The following KIRREL3 variants were observed in gnomAD, a reference collection of about 807,000 sequenced individuals.
KIRREL3 encodes kirre like nephrin family adhesion molecule 3.
A neutral mutation model predicts 89.7 loss-of-function variants in KIRREL3; 36 were observed. The observed-to-expected ratio is 0.40, with a 90% CI of 0.31 to 0.53. KIRREL3 has a LOEUF of 0.53. Among genes scored for constraint, KIRREL3 ranks in the 20% least tolerant of loss-of-function variants. The pLI, the probability that KIRREL3 is intolerant of heterozygous loss-of-function variation, is 0.49. For missense variants in KIRREL3, 864 were observed against 1,056.6 expected, an observed-to-expected ratio of 0.82 and a Z score of 2.53; for synonymous variants, 445 against 441.4, an observed-to-expected ratio of 1.01 and a Z score of -0.10.
At chr11:126,448,302 GAAAT>G (rs1955901935) in intron 8 of KIRREL3, among the ~76,000 whole-genome samples, 1 of 131,294 alleles carries the variant, frequency 7.6e-6, no homozygotes, top group Non-Finnish European at 1.6e-5. Context: ...AAAAAAAAAA[GAAAT>G]AAAAAGAAAA....
At position 126,987,869 on chromosome 11, in the gene KIRREL3, T is replaced by A. The variant is rs1949913789; in HGVS notation, c.55+12586A>T. 6.6e-6 allele frequency among the ~76,000 whole-genome samples: 1 copy of A among 152,226 alleles called. No individual in the cohort carries two copies. The highest frequency in any genetic ancestry group is 2.4e-5 in the African/African-American group (1 of 41,454). Reference sequence around the variant, plus strand: ...ATTTTAAGCATGGCCTGGGTAGACATGTGCCATCTTCTAAAATGATTTCTG... The same window carrying A: ...ATTTTAAGCATGGCCTGGGTAGACAAGTGCCATCTTCTAAAATGATTTCTG... On this transcript the variant is annotated intron_variant, in intron 1 of 16. Coordinates refer to ENST00000525144, the MANE Select transcript of KIRREL3 (RefSeq NM_032531.4). This position sits in a 1 kb window ranked among gnomAD's most constrained non-coding sequence, Gnocchi z 4.6.
chr11:126,726,113 C>T (rs561854998), intron 1 of KIRREL3, among the ~76,000 whole-genome samples: 134 of 152,256 alleles, frequency 8.8e-4, no homozygotes, highest in African/African-American at 2.8e-3. Flanking sequence ...CCCTGTGTCC[C>T]GAAGTGGGTC....
intron 1 of KIRREL3, among the ~76,000 whole-genome samples, chr11:126,711,212 C>T (rs1309636459): frequency 6.6e-6 from 1 of 152,206 alleles, no homozygotes; most frequent in African/African-American, 2.4e-5. Context: ...GGAGTTACTG[C>T]AACATGACAA....
Position 126,745,500 on chromosome 11 carries a change from A to C in KIRREL3, c.56-182588T>G, listed in dbSNP as rs867175055. Among the ~76,000 whole-genome samples, 274 of 152,256 alleles carry C rather than the reference A, an allele frequency of 1.8e-3. 2 individuals carry two copies. Among genetic ancestry groups the C allele is most frequent in the African/African-American group, 6.1e-3 (254 of 41,558 alleles). On this transcript the variant is annotated intron_variant, in intron 1 of 16. Coordinates refer to ENST00000525144, the MANE Select transcript of KIRREL3 (RefSeq NM_032531.4). ...CAAACAAACAAACAGAAAAACAAAA[A>C]AAAAAAACAAAACCCAAACAAAACC...
intron 1 of KIRREL3, among the ~76,000 whole-genome samples, chr11:126,915,501 G>T (rs751760241): frequency 1.3e-5 from 2 of 152,116 alleles, no homozygotes; most frequent in South Asian, 4.1e-4. Flanking sequence ...CAGGAGAGAC[G>T]TGGTCAACTG....
At chr11:126,832,124 A>G (rs1012505504) in intron 1 of KIRREL3, among the ~76,000 whole-genome samples, 1 of 152,186 alleles carries the variant, frequency 6.6e-6, no homozygotes, top group African/African-American at 2.4e-5. Flanking sequence ...CATGTCCCAG[A>G]TTCCACAACA....
intron 1 of KIRREL3, chr11:126,937,261 T>C (rs1173428530): frequency 6.6e-6 from 1 of 152,214 alleles, no homozygotes; most frequent in Non-Finnish European, 1.5e-5. Flanking sequence ...TTTATCTCAG[T>C]GTGGGTTAAA....
intron 1 of KIRREL3, among the ~76,000 whole-genome samples, chr11:126,882,739 G>A (rs973946180): frequency 6.6e-6 from 1 of 152,204 alleles, no homozygotes; most frequent in East Asian, 1.9e-4. Context: ...TTTTGTGCCT[G>A]CAATGACTAG....
chr11:126,707,153 C>T (rs1345024456), intron 1 of KIRREL3, among the ~76,000 whole-genome samples: 1 of 151,692 alleles, frequency 6.6e-6, no homozygotes, highest in Non-Finnish European at 1.5e-5. Context: ...GGGACCTTGC[C>T]CAGGCTGGTC....
At chr11:126,881,814 C>G (rs1292175921) in intron 1 of KIRREL3, among the ~76,000 whole-genome samples, 4 of 152,162 alleles carry the variant, frequency 2.6e-5, no homozygotes, top group African/African-American at 9.7e-5. Context: ...TCCCTAAGTG[C>G]TGGGATTATA....
rs1347611195 is a variant in KIRREL3, at chr11:126,761,707, A to T, written c.56-198795T>A. On this transcript the variant is annotated intron_variant, in intron 1 of 16. Transcript: ENST00000525144. The surrounding 1 kb of genome is among the most constrained non-coding windows in gnomAD (Gnocchi z 4.4). ...TTTGTGTATATCACCAGATCTTATGAAGTAGACCAGTGGGCCCCACTCAGC... is the reference window on the plus strand; with the variant it reads ...TTTGTGTATATCACCAGATCTTATGTAGTAGACCAGTGGGCCCCACTCAGC... Among the ~76,000 whole-genome samples the T allele has an allele frequency of 6.6e-6, 1 of 151,866 alleles. No individual in the cohort carries two copies. Among genetic ancestry groups the T allele is most frequent in the Non-Finnish European group, 1.5e-5 (1 of 67,970 alleles).
At chr11:126,923,219 CTTCTTCTT>C in intron 1 of KIRREL3, among the ~76,000 whole-genome samples, 1 of 27,214 alleles carries the variant, frequency 3.7e-5, no homozygotes, top group East Asian at 5.1e-4. Flanking sequence ...TCTTCTTCTT[CTTCTTCTT>C]CTTCTTCTTC....
chr11:126,446,666 T>G, intron 9 of KIRREL3, 93 bp downstream of exon 9: 1 of 1,360,312 alleles, frequency 7.4e-7, no homozygotes, highest in Non-Finnish European at 1.0e-6. Context: ...TCCCCCAGTC[T>G]AATAGTGAGA....
At chr11:126,479,439 C>A (rs947442018) in intron 4 of KIRREL3, among the ~76,000 whole-genome samples, 1 of 152,244 alleles carries the variant, frequency 6.6e-6, no homozygotes, top group Non-Finnish European at 1.5e-5. Context: ...CCACTCCAGG[C>A]CAGTGCCCAA....
chr11:126,521,513 C>T lies in KIRREL3; in HGVS notation c.284-49G>A, dbSNP rs564852759. ...GGGAGCTGGGGTGGGGTGGAGGGGA[C>T]ACCCATGACAAAGAGGCACAGAATG... On this transcript the variant is annotated intron_variant, in intron 3 of 16. Coordinates refer to ENST00000525144, the MANE Select transcript of KIRREL3 (RefSeq NM_032531.4). This position sits in a 1 kb window ranked among gnomAD's most constrained non-coding sequence, Gnocchi z 4.1. The T allele has an allele frequency of 3.9e-4, 597 of 1,522,190 alleles. 1 individual carries two copies. The highest frequency in any genetic ancestry group is 3.9e-3 in the African/African-American group (283 of 72,812). 94.3% of individuals were successfully genotyped at this position (1,522,190 alleles called of 1,614,324 possible). A position where few individuals can be genotyped will look rare whatever the true frequency, so the allele number is the denominator to read the frequency against.
chr11:126,864,531 G>C (rs61604290), intron 1 of KIRREL3, among the ~76,000 whole-genome samples: 1 of 152,272 alleles, frequency 6.6e-6, no homozygotes, highest in African/African-American at 2.4e-5. Context: ...CCTGTTAGCA[G>C]CAAATATAAG....
intron 1 of KIRREL3, among the ~76,000 whole-genome samples, chr11:126,820,472 G>C (rs1293738307): frequency 6.6e-6 from 1 of 152,140 alleles, no homozygotes; most frequent in African/African-American, 2.4e-5. Context: ...TGACCCAGAG[G>C]AGTTTATAAT....
At position 126,566,376 on chromosome 11, in the gene KIRREL3, G is replaced by A. The variant is rs1340537380; in HGVS notation, c.56-3464C>T. Reference sequence around the variant, plus strand: ...GGACTCTGAGCAACTGAAGTGTCAGGACTGTGCCTTCTCCTGCTCTGAGCC... The same window carrying A: ...GGACTCTGAGCAACTGAAGTGTCAGAACTGTGCCTTCTCCTGCTCTGAGCC... On this transcript the variant is annotated intron_variant, in intron 1 of 16. Coordinates refer to ENST00000525144, the MANE Select transcript of KIRREL3 (RefSeq NM_032531.4). This position sits in a 1 kb window ranked among gnomAD's most constrained non-coding sequence, Gnocchi z 4.9. Among the ~76,000 whole-genome samples, 1 of 152,216 alleles carries A rather than the reference G, an allele frequency of 6.6e-6. No individual in the cohort carries two copies. Among genetic ancestry groups the A allele is most frequent in the Non-Finnish European group, 1.5e-5 (1 of 68,036 alleles).
intron 1 of KIRREL3, among the ~76,000 whole-genome samples, chr11:126,746,383 A>T (rs1039176656): frequency 2.0e-5 from 3 of 152,056 alleles, no homozygotes; most frequent in African/African-American, 7.2e-5. Context: ...TCCGCTTGGG[A>T]CTTCAGGATC....
Sources: gnomAD v4.1 joint callset for allele counts (sites outside exome capture counted in the v4.1 genomes callset) on GRCh38, gnomAD v4.1.1 for gene constraint, Gnocchi (gnomAD v3.1) non-coding constraint, MANE v1.5 for transcripts, NCBI Gene and HGNC (gene_info 2026-07-23, HGNC 2026-07-21) for gene names.